The following AGO2 variants were observed in gnomAD, a reference collection of about 807,000 sequenced individuals.
The protein encoded by AGO2 is protein argonaute-2.
In AGO2, 5 loss-of-function variants were observed where a neutral mutation model predicts 102.3. The ratio of observed to expected loss-of-function variants is 0.05; its 90% CI spans 0.03 to 0.10. The LOEUF (loss-of-function observed/expected upper bound fraction) is 0.10, where lower values mean the gene tolerates loss of function less well. Among genes scored for constraint, AGO2 ranks in the 10% least tolerant of loss-of-function variants. The pLI, the probability that AGO2 is intolerant of heterozygous loss-of-function variation, is 1.00. For missense variants in AGO2, 541 were observed against 1,183.7 expected (o/e 0.46, Z 7.97); for synonymous variants, 449 against 473.1 (o/e 0.95, Z 0.66).
intron 1 of AGO2, among the ~76,000 whole-genome samples, chr8:140,604,709 C>T (rs1412152799): frequency 1.3e-5 from 2 of 151,684 alleles, no homozygotes; most frequent in Admixed American, 6.5e-5. Context: ...TGCCTGTAGT[C>T]CCAGCTACAT....
intron 1 of AGO2, among the ~76,000 whole-genome samples, chr8:140,617,701 C>G (rs527990191): frequency 1.3e-5 from 2 of 152,218 alleles, no homozygotes; most frequent in African/African-American, 4.8e-5. Flanking sequence ...GATCTGTGTG[C>G]TGCCATCATC....
At chr8:140,560,277 C>T (rs533816365) in intron 5 of AGO2, 97 bp downstream of exon 5, 5 of 1,510,772 alleles carry the variant, frequency 3.3e-6, no homozygotes, top group East Asian at 2.3e-5. Flanking sequence ...AGAGGCCATG[C>T]GTGGAGCTGG....
chr8:140,640,526 CT>C (rs368379500), upstream of AGO2, among the ~76,000 whole-genome samples: 12 of 148,390 alleles, frequency 8.1e-5, no homozygotes, highest in Non-Finnish European at 1.0e-4. Flanking sequence ...GCTGGTGTTT[CT>C]TTTTTTTTTG....
chr8:140,605,051 C>A (rs908629596), intron 1 of AGO2, among the ~76,000 whole-genome samples: 1 of 152,036 alleles, frequency 6.6e-6, no homozygotes, highest in Admixed American at 6.6e-5. Flanking sequence ...ATGGCGGATA[C>A]GTTAGACTTT....
At chr8:140,598,374 G>A (rs1482413510) in intron 1 of AGO2, among the ~76,000 whole-genome samples, 2 of 152,268 alleles carry the variant, frequency 1.3e-5, no homozygotes, top group Non-Finnish European at 2.9e-5. Flanking sequence ...AAATGCTGCT[G>A]ACATTTCTAC....
rs2073721085 is a variant in AGO2 at position 140,589,845 on chromosome 8, CAG to C, written c.23-4536_23-4535del. On this transcript the variant is annotated intron_variant, in intron 1 of 18. Transcript: ENST00000220592. The surrounding 1 kb of genome is among the most constrained non-coding windows in gnomAD (Gnocchi z 4.2). ...GAGTGATGGCTCAGTGAGTACAGACCAGAGAGTAGATGCTATCAAGCTGTACT... is the reference window on the plus strand; with the variant it reads ...GAGTGATGGCTCAGTGAGTACAGACCAGAGTAGATGCTATCAAGCTGTACT... Among the ~76,000 whole-genome samples, 1 of 151,996 alleles carries C rather than the reference CAG, an allele frequency of 6.6e-6. No individual in the cohort carries two copies. Among genetic ancestry groups the C allele is most frequent in the African/African-American group, 2.4e-5 (1 of 41,382 alleles).
chr8:140,587,749 T>C (rs747588513), intron 1 of AGO2, among the ~76,000 whole-genome samples: 3 of 152,214 alleles, frequency 2.0e-5, no homozygotes, highest in Non-Finnish European at 2.9e-5. Flanking sequence ...TACGCACTTG[T>C]CACATTTGAC....
chr8:140,630,725 G>A (rs1260761755), intron 1 of AGO2, among the ~76,000 whole-genome samples: 8 of 152,192 alleles, frequency 5.3e-5, no homozygotes, highest in African/African-American at 1.9e-4. Context: ...AACTGCACAA[G>A]AGCCTCCAGT....
rs1171482945 is a variant in AGO2 at position 140,528,437 on chromosome 8, A to AT, written c.*3606dup. ...AACTGAACTGACATGATCTGTTCTA[A>AT]TGGGCACTCCGTCACGGGGGTAAAC... is the stretch of plus-strand genomic sequence containing the variant. On this transcript the variant is annotated 3_prime_UTR_variant, in exon 19 of 19. Coordinates refer to ENST00000220592, the MANE Select transcript of AGO2 (RefSeq NM_012154.5). This position sits in a 1 kb window ranked among gnomAD's most constrained non-coding sequence, Gnocchi z 4.5. The AT allele has an allele frequency of 6.6e-6, 1 of 152,264 alleles. No homozygotes were observed. The highest frequency in any genetic ancestry group is 1.5e-5 in the Non-Finnish European group (1 of 68,066). 9.4% of individuals were successfully genotyped at this position (152,264 alleles called of 1,614,324 possible). A position where few individuals can be genotyped will look rare whatever the true frequency, so the allele number is the denominator to read the frequency against.
At chr8:140,607,952 A>G (rs970032697) in intron 1 of AGO2, among the ~76,000 whole-genome samples, 2 of 152,226 alleles carry the variant, frequency 1.3e-5, no homozygotes, top group African/African-American at 4.8e-5. Flanking sequence ...AACATATGGA[A>G]GATCTAATCA....
intron 2 of AGO2, among the ~76,000 whole-genome samples, chr8:140,580,900 C>T (rs1202557721): frequency 6.6e-6 from 1 of 152,250 alleles, no homozygotes; most frequent in Non-Finnish European, 1.5e-5. Context: ...GCATTTGCTG[C>T]TTACCAACTG....
intron 1 of AGO2, among the ~76,000 whole-genome samples, chr8:140,588,986 T>C (rs1274812279): frequency 3.9e-5 from 6 of 152,242 alleles, no homozygotes; most frequent in Admixed American, 1.3e-4. Context: ...AGTAATCGGC[T>C]TCCTGTGTGA....
chr8:140,610,416 A>C (rs2074060668), intron 1 of AGO2, among the ~76,000 whole-genome samples: 1 of 152,074 alleles, frequency 6.6e-6, no homozygotes, highest in Non-Finnish European at 1.5e-5. Flanking sequence ...ATGGGGTTTC[A>C]CCATGTTGAC....
At chr8:140,626,671 CT>C (rs1483251054) in intron 1 of AGO2, 4 of 152,262 alleles carry the variant, frequency 2.6e-5, no homozygotes, top group Non-Finnish European at 4.4e-5. Flanking sequence ...GCTCAGGGTG[CT>C]GTTATGCTGA....
rs918351198 is a variant in AGO2, at chr8:140,527,707, G to C, written c.*4337C>G. 6.6e-6 allele frequency: 1 copy of C among 152,236 alleles called. No homozygotes were observed. The highest frequency in any genetic ancestry group is 1.5e-5 in the Non-Finnish European group (1 of 68,038). 9.4% of individuals were successfully genotyped at this position (152,236 alleles called of 1,614,324 possible). A position where few individuals can be genotyped will look rare whatever the true frequency, so the allele number is the denominator to read the frequency against. On this transcript the variant is annotated 3_prime_UTR_variant, in exon 19 of 19. Transcript: ENST00000220592. This position sits in a 1 kb window ranked among gnomAD's most constrained non-coding sequence, Gnocchi z 6.0. ...GCGCATGAGCACTGAGGAAGTTTCT[G>C]TTTCTATTTATTGTACATTCCTTTT...
At chr8:140,605,752 C>G (rs2073989708) in intron 1 of AGO2, 1 of 152,242 alleles carries the variant, frequency 6.6e-6, no homozygotes, top group Admixed American at 6.5e-5. Context: ...GCTGATGAAG[C>G]TAAATTAAGG....
intron 1 of AGO2, among the ~76,000 whole-genome samples, chr8:140,613,874 C>T (rs371982488): frequency 6.6e-6 from 1 of 151,806 alleles, no homozygotes; most frequent in Non-Finnish European, 1.5e-5. Context: ...TTAAAGTAGC[C>T]GGATGTAGTG....
chr8:140,580,421 G>A (rs146477399), intron 2 of AGO2, among the ~76,000 whole-genome samples: 166 of 152,344 alleles, frequency 1.1e-3, no homozygotes, highest in African/African-American at 3.8e-3. Context: ...CGACTAAGAC[G>A]CCATCCTTGC....
chr8:140,534,652 G>GAATATTA (rs961781633), intron 17 of AGO2, among the ~76,000 whole-genome samples: 1 of 152,222 alleles, frequency 6.6e-6, no homozygotes, highest in Non-Finnish European at 1.5e-5. Context: ...ATTTCCAATG[G>GAATATTA]AATATTAAAG....
Sources: allele counts gnomAD v4.1 joint callset (sites outside exome capture counted in the v4.1 genomes callset), GRCh38; gene constraint gnomAD v4.1.1; non-coding constraint Gnocchi (gnomAD v3.1); transcripts MANE v1.5; gene names NCBI Gene and HGNC (gene_info 2026-07-23, HGNC 2026-07-21).